The following CACNA1C variants were observed in gnomAD, a reference collection of about 807,000 sequenced individuals.
CACNA1C encodes the protein calcium voltage-gated channel subunit alpha1 C.
Under a neutral mutation model 229.0 loss-of-function variants are expected in CACNA1C, and 30 were observed. That is an observed-to-expected ratio of 0.13 (90% CI 0.10 to 0.18). CACNA1C has a LOEUF of 0.18. Among genes scored for constraint, CACNA1C ranks in the 10% least tolerant of loss-of-function variants. CACNA1C has a pLI of 1.00. For missense variants in CACNA1C, 1,658 were observed against 2,845.0 expected (o/e 0.58, Z 9.49); for synonymous variants, 1,114 against 1,132.5 (o/e 0.98, Z 0.33).
chr12:2,514,065 A>T (rs975161848), intron 9 of CACNA1C, among the ~76,000 whole-genome samples: 1 of 152,228 alleles, frequency 6.6e-6, no homozygotes, highest in Non-Finnish European at 1.5e-5. Flanking sequence ...TTTCCTAAAC[A>T]CTGAGCATCT....
Position 2,504,768 on chromosome 12 carries a change from C to A in CACNA1C, c.1114-74C>A. ...CCTGGCGCTGCGTGGGTCAGTGTCTCGGGAGCCGGGGACCGGCACTGGCCG... is the reference window on the plus strand; with the variant it reads ...CCTGGCGCTGCGTGGGTCAGTGTCTAGGGAGCCGGGGACCGGCACTGGCCG... On this transcript the variant is annotated intron_variant, in intron 7 of 46. Coordinates refer to ENST00000399655, the MANE Select transcript of CACNA1C (RefSeq NM_000719.7). The surrounding 1 kb of genome is among the most constrained non-coding windows in gnomAD (Gnocchi z 6.8). The A allele has an allele frequency of 1.0e-6, 1 of 954,850 alleles. No homozygotes were observed. The highest frequency in any genetic ancestry group is 1.7e-6 in the Non-Finnish European group (1 of 593,302). The allele number at this position is 954,850 out of a possible 1,614,324, so 59.1% of individuals were successfully genotyped here. A position where few individuals can be genotyped will look rare whatever the true frequency, so the allele number is the denominator to read the frequency against.
At chr12:2,046,552 A>G (rs2051085627) in intron 1 of CACNA1C, among the ~76,000 whole-genome samples, 1 of 152,058 alleles carries the variant, frequency 6.6e-6, no homozygotes, top group South Asian at 2.1e-4. Flanking sequence ...GAATTCTCCC[A>G]CCGGGAGAGC....
chr12:2,291,568 G>A (rs2093510414), intron 3 of CACNA1C, among the ~76,000 whole-genome samples: 2 of 152,224 alleles, frequency 1.3e-5, no homozygotes, highest in South Asian at 4.1e-4. Context: ...CTTGTGTTTA[G>A]CGTAAATATA....
chr12:2,192,101 C>A (rs995769588), intron 3 of CACNA1C, among the ~76,000 whole-genome samples: 3 of 152,228 alleles, frequency 2.0e-5, no homozygotes, highest in Admixed American at 6.5e-5. Flanking sequence ...CACATGGGCG[C>A]GCACACACAC....
At chr12:2,379,847 C>T (rs944890330) in intron 3 of CACNA1C, among the ~76,000 whole-genome samples, 9 of 150,878 alleles carry the variant, frequency 6.0e-5, no homozygotes, top group South Asian at 2.1e-4. Flanking sequence ...CCGGCTAAAA[C>T]GGTGAAACCC....
At chr12:2,039,123 A>G (rs956915548) in intron 1 of CACNA1C, among the ~76,000 whole-genome samples, 3 of 152,222 alleles carry the variant, frequency 2.0e-5, no homozygotes, top group Admixed American at 1.3e-4. Flanking sequence ...TGGGCCTTTT[A>G]ATAGACAAAT....
At chr12:2,122,545 TG>T (rs147173585) in intron 3 of CACNA1C, among the ~76,000 whole-genome samples, 2,052 of 152,302 alleles carry the variant, frequency 0.013, 44 homozygotes, top group African/African-American at 0.046. Context: ...TCCCGGTCCT[TG>T]CTCTCTACAG....
intron 3 of CACNA1C, among the ~76,000 whole-genome samples, chr12:2,424,210 A>G (rs2099006380): frequency 6.6e-6 from 1 of 152,262 alleles, no homozygotes; most frequent in Non-Finnish European, 1.5e-5. Flanking sequence ...AATTTGCAGG[A>G]AAGACCTCAA....
At position 2,607,144 on chromosome 12, in the gene CACNA1C, G is replaced by C; in HGVS notation, c.3356+14G>C. On this transcript the variant is annotated intron_variant, in intron 26 of 46. Transcript: ENST00000399655. ...AGGGTGGCCAGAGTGAGTATGCAAA[G>C]CAAGGCCCCACGAGCCCTGACATTC... is the stretch of plus-strand genomic sequence containing the variant. The C allele has an allele frequency of 6.2e-7, 1 of 1,606,298 alleles. No individual in the cohort carries two copies. Among genetic ancestry groups the C allele is most frequent in the Non-Finnish European group, 8.5e-7 (1 of 1,175,528 alleles).
intron 3 of CACNA1C, among the ~76,000 whole-genome samples, chr12:2,448,675 A>G (rs2099323491): frequency 6.6e-6 from 1 of 152,188 alleles, no homozygotes; most frequent in African/African-American, 2.4e-5. Context: ...ATAAAATGTC[A>G]ACTGATTAAC....
intron 1 of CACNA1C, among the ~76,000 whole-genome samples, chr12:2,084,308 A>C (rs550429568): frequency 6.6e-6 from 1 of 152,298 alleles, no homozygotes; most frequent in South Asian, 2.1e-4. Flanking sequence ...AGCCATTCAA[A>C]TGTTAAACAG....
intron 34 of CACNA1C, among the ~76,000 whole-genome samples, chr12:2,661,971 A>G (rs1020031494): frequency 3.9e-5 from 6 of 152,346 alleles, no homozygotes; most frequent in East Asian, 1.9e-4. Context: ...GGCCGGGCGC[A>G]GTGGCTCACG....
chr12:2,207,843 A>C (rs2097795050), intron 3 of CACNA1C, among the ~76,000 whole-genome samples: 1 of 151,834 alleles, frequency 6.6e-6, no homozygotes, highest in Non-Finnish European at 1.5e-5. Flanking sequence ...AACAAAAAAA[A>C]CCATGAGAAA....
At chr12:2,136,015 C>A (rs1456962897) in intron 3 of CACNA1C, among the ~76,000 whole-genome samples, 7 of 150,668 alleles carry the variant, frequency 4.6e-5, no homozygotes, top group Non-Finnish European at 8.9e-5. Context: ...CGTGGTGCGC[C>A]GTTTTTTAAG....
At chr12:2,126,457 C>T (rs2090104547) in intron 3 of CACNA1C, among the ~76,000 whole-genome samples, 1 of 152,236 alleles carries the variant, frequency 6.6e-6, no homozygotes, top group Non-Finnish European at 1.5e-5. Context: ...TGGAAAACTT[C>T]CTGTCCTCTG....
At chr12:2,384,087 C>T (rs2098321183) in intron 3 of CACNA1C, among the ~76,000 whole-genome samples, 1 of 152,184 alleles carries the variant, frequency 6.6e-6, no homozygotes, top group South Asian at 2.1e-4. Flanking sequence ...TTTTAAAACC[C>T]TCCAGACAAG....
intron 5 of CACNA1C, among the ~76,000 whole-genome samples, chr12:2,485,497 G>A (rs1487215753): frequency 6.6e-6 from 1 of 152,116 alleles, no homozygotes; most frequent in African/African-American, 2.4e-5. Context: ...GTCCCCAGGC[G>A]GGCTTTTCCT....
chr12:1,985,911 C>T lies in CACNA1C; in HGVS notation c.139+14710C>T, dbSNP rs187092801. On this transcript the variant is annotated intron_variant, in intron 1 of 46. Transcript: ENST00000682462. ...CTGCAAGCTCCACCTCCTGGGTTCA[C>T]GCCATTCTCCTGCCTCAGCCTCCCA... Among the ~76,000 whole-genome samples, 81 of 152,104 alleles carry T rather than the reference C, an allele frequency of 5.3e-4. 1 individual carries two copies. In the East Asian group the frequency reaches 0.012, roughly 22 times the overall value.
At chr12:2,572,972 TC>T (rs2056945413) in intron 13 of CACNA1C, among the ~76,000 whole-genome samples, 2 of 145,020 alleles carry the variant, frequency 1.4e-5, no homozygotes, top group Admixed American at 1.4e-4. Flanking sequence ...CCTCTCCTCC[TC>T]CTCCTCCTGT....
Sources: allele counts gnomAD v4.1 joint callset (sites outside exome capture counted in the v4.1 genomes callset), GRCh38; gene constraint gnomAD v4.1.1; non-coding constraint Gnocchi (gnomAD v3.1); transcripts MANE v1.5; gene names NCBI Gene and HGNC (gene_info 2026-07-23, HGNC 2026-07-21).